Variants in FTO observed in about 807,000 individuals in gnomAD.
FTO encodes the protein alpha-ketoglutarate-dependent dioxygenase FTO.
FTO carries 47 observed loss-of-function variants against 63.9 expected under a neutral mutation model. The ratio of observed to expected loss-of-function variants is 0.74; its 90% CI spans 0.58 to 0.94. The LOEUF is 0.94. FTO is among the 40% of genes least tolerant of loss of function. The pLI, the probability that FTO is intolerant of heterozygous loss-of-function variation, is 0.00. For missense variants in FTO, 562 were observed against 618.1 expected (o/e 0.91, Z 0.96); for synonymous variants, 207 against 224.4 (o/e 0.92, Z 0.69).
At chr16:54,059,847 G>A (rs1177863314) in intron 8 of FTO, among the ~76,000 whole-genome samples, 8 of 152,160 alleles carry the variant, frequency 5.3e-5, no homozygotes, top group South Asian at 2.1e-4. Context: ...AATGAGCATC[G>A]GGCTTTTGGT....
At chr16:53,967,078 T>C (rs1210196121) in intron 8 of FTO, among the ~76,000 whole-genome samples, 1 of 152,190 alleles carries the variant, frequency 6.6e-6, no homozygotes, top group Non-Finnish European at 1.5e-5. Context: ...GATAGCTTTG[T>C]TAAAATTCCG....
intron 7 of FTO, among the ~76,000 whole-genome samples, chr16:53,893,078 A>T (rs2081193357): frequency 6.6e-6 from 1 of 152,074 alleles, no homozygotes; most frequent in African/African-American, 2.4e-5. Context: ...TGCTCTTGTG[A>T]TGTAAATGTT....
chr16:53,862,325 T>A (rs1406485849), intron 4 of FTO, among the ~76,000 whole-genome samples: 3 of 152,140 alleles, frequency 2.0e-5, no homozygotes, highest in African/African-American at 7.2e-5. Flanking sequence ...TATTTGATGT[T>A]GGGAGATGTC....
intron 7 of FTO, among the ~76,000 whole-genome samples, chr16:53,921,285 A>G (rs1434272509): frequency 6.6e-6 from 1 of 152,012 alleles, no homozygotes; most frequent in Admixed American, 6.6e-5. Flanking sequence ...CATATAATCC[A>G]GTGTGCCCGA....
chr16:53,928,911 C>T (rs2082214160), intron 7 of FTO, among the ~76,000 whole-genome samples: 1 of 151,730 alleles, frequency 6.6e-6, no homozygotes, highest in Non-Finnish European at 1.5e-5. Flanking sequence ...TGGCATGATC[C>T]CGGCTCACTA....
rs77070351 is a variant in FTO, at chr16:53,926,133, A to C, written c.1240-7852A>C. Among the ~76,000 whole-genome samples the C allele has an allele frequency of 8.7e-4, 132 of 152,178 alleles. 1 individual carries two copies. The highest frequency in any genetic ancestry group is 3.1e-3 in the African/African-American group (128 of 41,520). ...GTGGGACTTCTTCCTCCTATACATA[A>C]CCTCATATTAGGAGGGTATATTTTT... On this transcript the variant is annotated intron_variant, in intron 7 of 8. Transcript: ENST00000471389.
At chr16:53,949,232 C>A (rs1230008980) in intron 8 of FTO, among the ~76,000 whole-genome samples, 1 of 152,170 alleles carries the variant, frequency 6.6e-6, no homozygotes, top group South Asian at 2.1e-4. Flanking sequence ...CATGGGGGAA[C>A]CCAGCTGTTC....
intron 1 of FTO, among the ~76,000 whole-genome samples, chr16:53,714,664 G>C (rs2075850808): frequency 6.6e-6 from 1 of 152,150 alleles, no homozygotes; most frequent in South Asian, 2.1e-4. Flanking sequence ...CAAATCAGCA[G>C]CCAATATGCT....
chr16:53,907,558 A>G (rs970538414), intron 7 of FTO, among the ~76,000 whole-genome samples: 1 of 152,160 alleles, frequency 6.6e-6, no homozygotes, highest in African/African-American at 2.4e-5. Context: ...AGTAAAGTTG[A>G]AAAATTGTAA....
chr16:53,839,167 TTTAAAC>T (rs1399325162), intron 3 of FTO, among the ~76,000 whole-genome samples: 3 of 152,246 alleles, frequency 2.0e-5, no homozygotes, highest in South Asian at 2.1e-4. Context: ...AAACTTGACT[TTTAAAC>T]TTAACAGTCT....
chr16:53,915,701 A>G (rs1405076912), intron 7 of FTO, among the ~76,000 whole-genome samples: 3 of 152,208 alleles, frequency 2.0e-5, no homozygotes, highest in African/African-American at 7.2e-5. Context: ...TAATCCTTTC[A>G]GAATACCCAT....
At chr16:53,845,557 C>T (rs1215303942) in intron 4 of FTO, among the ~76,000 whole-genome samples, 4 of 152,198 alleles carry the variant, frequency 2.6e-5, no homozygotes, top group Non-Finnish European at 5.9e-5. Context: ...TTTAATCTTT[C>T]ACTGAATTGA....
chr16:53,760,262 T>TTA (rs2077034644), intron 1 of FTO, among the ~76,000 whole-genome samples: 1 of 90,568 alleles, frequency 1.1e-5, no homozygotes, highest in Non-Finnish European at 2.3e-5. Context: ...GTGTGTGTGT[T>TTA]TTTTGGAGAC....
At chr16:53,861,022 A>G (rs1034774988) in intron 4 of FTO, among the ~76,000 whole-genome samples, 1 of 152,184 alleles carries the variant, frequency 6.6e-6, no homozygotes, top group Non-Finnish European at 1.5e-5. Flanking sequence ...GATATATAAA[A>G]TGTTTGTCAA....
At chr16:53,827,474 T>C (rs1433542102) in intron 3 of FTO, among the ~76,000 whole-genome samples, 2 of 152,242 alleles carry the variant, frequency 1.3e-5, no homozygotes, top group Non-Finnish European at 2.9e-5. Context: ...AGGGTCATTA[T>C]TTTCTGACAA....
intron 8 of FTO, among the ~76,000 whole-genome samples, chr16:54,029,911 GTC>G (rs574648722): frequency 2.1e-4 from 32 of 152,136 alleles, no homozygotes; most frequent in Admixed American, 7.9e-4. Flanking sequence ...ATTTGTGCTG[GTC>G]TCTGTTTGTC....
intron 8 of FTO, among the ~76,000 whole-genome samples, chr16:54,058,049 G>C (rs2085479353): frequency 6.6e-6 from 1 of 152,142 alleles, no homozygotes; most frequent in African/African-American, 2.4e-5. Flanking sequence ...GGGTGGTACT[G>C]TGTGGTTGAC....
At chr16:53,721,983 A>G (rs1376762232) in intron 1 of FTO, among the ~76,000 whole-genome samples, 1 of 150,112 alleles carries the variant, frequency 6.7e-6, no homozygotes, top group African/African-American at 2.5e-5. Context: ...GTTGTTTATA[A>G]GCTCAAACTT....
chr16:53,856,983 T>C (rs551570991), intron 4 of FTO, among the ~76,000 whole-genome samples: 14 of 151,958 alleles, frequency 9.2e-5, no homozygotes, highest in Admixed American at 2.6e-4. Context: ...TGTTAAAAAA[T>C]TGAATGCCCT....
Sources: allele counts gnomAD v4.1 joint callset (sites outside exome capture counted in the v4.1 genomes callset), GRCh38; gene constraint gnomAD v4.1.1; transcripts MANE v1.5; gene names NCBI Gene and HGNC (gene_info 2026-07-23, HGNC 2026-07-21).